IL1RAP: variants seen among roughly 807,000 people sequenced by gnomAD.
IL1RAP encodes interleukin-1 receptor accessory protein.
Under a neutral mutation model 60.7 loss-of-function variants are expected in IL1RAP, and 35 were observed. That is an observed-to-expected ratio of 0.58 (90% CI 0.44 to 0.76). The LOEUF is 0.76. IL1RAP is among the 30% of genes least tolerant of loss of function. The pLI is 0.00. For synonymous variants in IL1RAP, 268 were observed against 250.9 expected, an observed-to-expected ratio of 1.07 and a Z score of -0.64; for missense variants, 572 against 693.9, an observed-to-expected ratio of 0.82 and a Z score of 1.97.
chr3:190,634,989 A>T (rs992947773), intron 9 of IL1RAP, among the ~76,000 whole-genome samples: 2 of 152,188 alleles, frequency 1.3e-5, no homozygotes, highest in Non-Finnish European at 2.9e-5. Context: ...TGCTGGGATT[A>T]CAGGCGTGAG....
At chr3:190,576,062 G>GAA (rs35755755) in intron 3 of IL1RAP, among the ~76,000 whole-genome samples, 51 of 150,702 alleles carry the variant, frequency 3.4e-4, no homozygotes, top group Non-Finnish European at 6.2e-4. Context: ...ATAATTTTTA[G>GAA]AAAAAAAAAA....
downstream of IL1RAP, chr3:190,655,829 C>T (rs957453863): frequency 3.0e-5 from 37 of 1,239,014 alleles, no homozygotes; most frequent in East Asian, 1.5e-4. Context: ...TGGACAATAA[C>T]GAACTGGAAT....
intron 4 of IL1RAP, among the ~76,000 whole-genome samples, 176 bp from the exon 5 acceptor site, chr3:190,608,819 C>CCA (rs1327433609): frequency 4.8e-4 from 35 of 73,568 alleles, no homozygotes; most frequent in East Asian, 1.6e-3. Context: ...TTTTTTTATT[C>CCA]TGTGATGTCA....
intron 9 of IL1RAP, among the ~76,000 whole-genome samples, chr3:190,637,266 A>G (rs987954640): frequency 6.6e-6 from 1 of 152,160 alleles, no homozygotes; most frequent in Non-Finnish European, 1.5e-5. Context: ...CTGAAGAACT[A>G]TTTAATGTTT....
chr3:190,599,672 TTTAA>T (rs1461192541), intron 3 of IL1RAP, among the ~76,000 whole-genome samples: 1 of 151,630 alleles, frequency 6.6e-6, no homozygotes, highest in Non-Finnish European at 1.5e-5. Flanking sequence ...CTGTGAATTA[TTTAA>T]TTGAGAACTT....
At chr3:190,528,299 A>G (rs6786121) in intron 1 of IL1RAP, among the ~76,000 whole-genome samples, 7,116 of 152,226 alleles carry the variant, frequency 0.047, 532 homozygotes, top group African/African-American at 0.16. Flanking sequence ...TCCATTCCCC[A>G]TACAATTAAC....
At chr3:190,566,114 T>C (rs934750716) in intron 3 of IL1RAP, among the ~76,000 whole-genome samples, 2 of 152,080 alleles carry the variant, frequency 1.3e-5, no homozygotes, top group African/African-American at 4.8e-5. Context: ...CTGTCTTGGA[T>C]TTTAAGCTGC....
exon 12 of IL1RAP, chr3:190,658,758 G>A (rs1411102388): frequency 6.6e-6 from 1 of 152,170 alleles, no homozygotes; most frequent in Non-Finnish European, 1.5e-5. Context: ...AATGTTCTCA[G>A]AAGATCCTTT....
At chr3:190,530,162 G>A (rs759722371) in intron 1 of IL1RAP, among the ~76,000 whole-genome samples, 2 of 152,168 alleles carry the variant, frequency 1.3e-5, no homozygotes, top group African/African-American at 4.8e-5. Context: ...ACAGGAACCT[G>A]CCCTGGAGAG....
chr3:190,609,330 C>A (rs1339315449), intron 5 of IL1RAP, 149 bp downstream of exon 5: 4 of 551,276 alleles, frequency 7.3e-6, no homozygotes, highest in African/African-American at 3.9e-5. Context: ...TTCAGCACGT[C>A]CTCATTTTGT....
chr3:190,649,428 T>G lies in IL1RAP; in HGVS notation c.*723T>G. 5.1e-6 allele frequency: 5 copies of G among 985,820 alleles called. No individual in the cohort carries two copies. In the South Asian group the frequency reaches 2.3e-4, roughly 46 times the overall value. The allele number at this position is 985,820 out of a possible 1,614,324, so 61.1% of individuals were successfully genotyped here. A position where few individuals can be genotyped will look rare whatever the true frequency, so the allele number is the denominator to read the frequency against. On this transcript the variant is annotated 3_prime_UTR_variant, in exon 12 of 12. Transcript: ENST00000447382. ...CACAGGTCAACCCACATTTTTTCAT[T>G]CCTTCTCCCTATCTGCTTATATCGC...
At chr3:190,536,659 T>G (rs1723488777) in intron 1 of IL1RAP, among the ~76,000 whole-genome samples, 2 of 152,146 alleles carry the variant, frequency 1.3e-5, no homozygotes, top group Admixed American at 1.3e-4. Context: ...AGCTAGACAA[T>G]GTAATCATAT....
At chr3:190,554,317 C>A (rs892680838) in intron 1 of IL1RAP, among the ~76,000 whole-genome samples, 1 of 152,030 alleles carries the variant, frequency 6.6e-6, no homozygotes, top group African/African-American at 2.4e-5. Context: ...GTCCTGCTAG[C>A]AGGCTTCCCG....
At chr3:190,629,890 TTC>T in intron 9 of IL1RAP, 1 of 975,076 alleles carries the variant, frequency 1.0e-6, no homozygotes, top group Non-Finnish European at 1.2e-6. Context: ...CATGGTAGAC[TTC>T]AAGAGTCATA....
intron 9 of IL1RAP, among the ~76,000 whole-genome samples, chr3:190,633,196 A>G (rs904439529): frequency 2.0e-5 from 3 of 152,196 alleles, no homozygotes; most frequent in African/African-American, 7.2e-5. Context: ...AATCTTAACA[A>G]TACTGTATTT....
At chr3:190,622,433 C>G (rs1269373104) in intron 6 of IL1RAP, among the ~76,000 whole-genome samples, 1 of 152,042 alleles carries the variant, frequency 6.6e-6, no homozygotes, top group African/African-American at 2.4e-5. Flanking sequence ...TAGCACTGAC[C>G]CCACAGGTGA....
At chr3:190,592,217 G>A (rs1430047681) in intron 3 of IL1RAP, among the ~76,000 whole-genome samples, 3 of 152,080 alleles carry the variant, frequency 2.0e-5, no homozygotes, top group African/African-American at 4.8e-5. Flanking sequence ...ACAGGGTTTC[G>A]CCATGTTGGC....
chr3:190,538,526 T>C (rs892302434), intron 1 of IL1RAP, among the ~76,000 whole-genome samples: 6 of 152,132 alleles, frequency 3.9e-5, no homozygotes, highest in Non-Finnish European at 5.9e-5. Context: ...CTGTGTGTTG[T>C]TGAATAAAAG....
At chr3:190,550,380 A>AACTC (rs1444679613) in intron 1 of IL1RAP, 2 of 152,172 alleles carry the variant, frequency 1.3e-5, no homozygotes, top group Non-Finnish European at 2.9e-5. Flanking sequence ...TTGGGACAAT[A>AACTC]ATGTGTCTCA....
Sources: gnomAD v4.1 joint callset for allele counts (sites outside exome capture counted in the v4.1 genomes callset) on GRCh38, gnomAD v4.1.1 for gene constraint, MANE v1.5 for transcripts, NCBI Gene and HGNC (gene_info 2026-07-23, HGNC 2026-07-21) for gene names.